Variants in EBF4 observed in about 807,000 individuals in gnomAD.
The protein encoded by EBF4 is transcription factor COE4.
A neutral mutation model predicts 67.1 loss-of-function variants in EBF4; 34 were observed. The ratio of observed to expected loss-of-function variants is 0.51; its 90% CI spans 0.39 to 0.67. The LOEUF (loss-of-function observed/expected upper bound fraction) is 0.67. Ranked by LOEUF, EBF4 falls within the 30% of genes least tolerant of loss-of-function variation. EBF4 has a pLI of 0.00. For synonymous variants in EBF4, 387 were observed against 377.7 expected (o/e 1.02, Z -0.29); for missense variants, 837 against 873.3 (o/e 0.96, Z 0.52).
chr20:2,721,246 C>CTT (rs146844927), intron 6 of EBF4, among the ~76,000 whole-genome samples: 2,533 of 108,010 alleles, frequency 0.023, 72 homozygotes, highest in African/African-American at 0.065. Flanking sequence ...TGATTCTCTT[C>CTT]TTTTTTTTTT....
chr20:2,743,300 C>G (rs2087995245), intron 6 of EBF4, among the ~76,000 whole-genome samples: 1 of 152,190 alleles, frequency 6.6e-6, no homozygotes, highest in African/African-American at 2.4e-5. Context: ...GCAGCGGCAC[C>G]CGGAGGGTCG....
intron 6 of EBF4, among the ~76,000 whole-genome samples, chr20:2,738,710 C>T (rs2087924609): frequency 6.6e-6 from 1 of 152,194 alleles, no homozygotes; most frequent in South Asian, 2.1e-4. Flanking sequence ...TCCTCAGGCC[C>T]CATGCCCAGC....
At chr20:2,735,327 A>C (rs1255132584) in intron 6 of EBF4, among the ~76,000 whole-genome samples, 2 of 152,184 alleles carry the variant, frequency 1.3e-5, no homozygotes, top group African/African-American at 2.4e-5. Context: ...CAACTACAAT[A>C]GTGGTTGCAA....
At chr20:2,758,743 C>T in intron 15 of EBF4, 166 bp from the exon 16 acceptor site, 1 of 650,984 alleles carries the variant, frequency 1.5e-6, no homozygotes, top group South Asian at 1.8e-5. Context: ...TGAGAGGCAC[C>T]CCTCACCCCG....
At position 2,727,911 on chromosome 20, in the gene EBF4, G is replaced by T. The variant is rs183344375; in HGVS notation, c.557+18269G>T. ...CTATTTTTAAATTGGATTATTTGGG[G>T]GTTTTCTGAGTGTTGAGTGTTAGGA... On this transcript the variant is annotated intron_variant, in intron 6 of 16. Transcript: ENST00000609451. Among the ~76,000 whole-genome samples the T allele has an allele frequency of 2.2e-3, 336 of 152,172 alleles. 3 individuals are homozygous for T. Among genetic ancestry groups the T allele is most frequent in the Middle Eastern group, 3.4e-3 (1 of 294 alleles).
At chr20:2,708,509 GC>G (rs746813374) in intron 5 of EBF4, among the ~76,000 whole-genome samples, 18 of 152,180 alleles carry the variant, frequency 1.2e-4, no homozygotes, top group Non-Finnish European at 2.4e-4. Context: ...CCCAAGAGAT[GC>G]CAGTCGTACA....
intron 6 of EBF4, among the ~76,000 whole-genome samples, chr20:2,744,612 C>T (rs2088022897): frequency 6.6e-6 from 1 of 151,190 alleles, no homozygotes; most frequent in African/African-American, 2.4e-5. Context: ...GTGCCTCAGC[C>T]ACCTGAGTAG....
intron 6 of EBF4, among the ~76,000 whole-genome samples, chr20:2,712,131 G>A (rs1202980615): frequency 1.3e-5 from 2 of 152,196 alleles, no homozygotes; most frequent in African/African-American, 4.8e-5. Flanking sequence ...ACACTTGTGG[G>A]TCATTGTAAG....
At position 2,755,491 on chromosome 20, in the gene EBF4, G is replaced by A. The variant is rs531921683; in HGVS notation, c.1541-136G>A. On this transcript the variant is annotated intron_variant, in intron 14 of 16. Coordinates refer to ENST00000609451, the Ensembl canonical transcript of EBF4. This position sits in a 1 kb window ranked among gnomAD's most constrained non-coding sequence, Gnocchi z 4.7. ...TGGCCCAGGACCCTCACAGCTCCCA[G>A]TGAGATCTGAGCCTGGTACCTGTGT... 4 of 627,888 alleles carry A rather than the reference G, an allele frequency of 6.4e-6. No homozygotes were observed. In the African/African-American group the frequency reaches 7.2e-5, roughly 11 times the overall value. 38.9% of individuals were successfully genotyped at this position (627,888 alleles called of 1,614,324 possible).
chr20:2,710,474 A>G (rs1047526486), intron 6 of EBF4, among the ~76,000 whole-genome samples: 2 of 152,120 alleles, frequency 1.3e-5, no homozygotes, highest in Admixed American at 6.5e-5. Flanking sequence ...GAGGAAATGC[A>G]TAAATAAGGT....
At position 2,707,502 on chromosome 20, in the gene EBF4, C is replaced by A. The variant is rs1291732427; in HGVS notation, c.415-445C>A. ...CAGCCCTCGGAGCTGACTGGGCTGGCAGGGATAGCTGAGAAGGACAACACT... is the reference window on the plus strand; with the variant it reads ...CAGCCCTCGGAGCTGACTGGGCTGGAAGGGATAGCTGAGAAGGACAACACT... On this transcript the variant is annotated intron_variant, in intron 4 of 16. Coordinates refer to ENST00000609451, the Ensembl canonical transcript of EBF4. This position sits in a 1 kb window ranked among gnomAD's most constrained non-coding sequence, Gnocchi z 4.6. Among the ~76,000 whole-genome samples, 1 of 151,618 alleles carries A rather than the reference C, an allele frequency of 6.6e-6. No homozygotes were observed. The highest frequency in any genetic ancestry group is 1.9e-4 in the East Asian group (1 of 5,132).
At chr20:2,723,686 T>A (rs961555685) in intron 6 of EBF4, among the ~76,000 whole-genome samples, 14 of 152,346 alleles carry the variant, frequency 9.2e-5, no homozygotes, top group African/African-American at 2.2e-4. Flanking sequence ...CTGGATTTTT[T>A]AAATCTAGTC....
At chr20:2,748,748 C>G (rs1366096315) in intron 7 of EBF4, 118 bp downstream of exon 7, 2 of 1,179,236 alleles carry the variant, frequency 1.7e-6, no homozygotes, top group African/African-American at 3.1e-5. Context: ...AGGCAGATCT[C>G]TGCCCAGCCC....
Position 2,751,181 on chromosome 20 carries a change from C to T in EBF4, c.1019-519C>T, listed in dbSNP as rs570510612. 6.0e-4 allele frequency among the ~76,000 whole-genome samples: 92 copies of T among 152,296 alleles called. No homozygotes were observed. Among genetic ancestry groups the T allele is most frequent in the African/African-American group, 2.2e-3 (91 of 41,558 alleles). ...CTGGCCGGATCTTCTCTACTTCCATCCTCCCGCCCCAGCCCAAGCCACCCA... is the reference window on the plus strand; with the variant it reads ...CTGGCCGGATCTTCTCTACTTCCATTCTCCCGCCCCAGCCCAAGCCACCCA... On this transcript the variant is annotated intron_variant, in intron 10 of 16. Coordinates refer to ENST00000609451, the Ensembl canonical transcript of EBF4. This position sits in a 1 kb window ranked among gnomAD's most constrained non-coding sequence, Gnocchi z 5.2.
At chr20:2,748,444 A>C (rs908720866) in intron 6 of EBF4, 105 bp from the exon 7 acceptor site, 6 of 1,076,140 alleles carry the variant, frequency 5.6e-6, no homozygotes, top group Non-Finnish European at 8.2e-6. Context: ...GGGAGCAGGC[A>C]GAGGGGACTC....
At chr20:2,703,943 C>T (rs1219957999) in intron 1 of EBF4, among the ~76,000 whole-genome samples, 1 of 152,066 alleles carries the variant, frequency 6.6e-6, no homozygotes, top group African/African-American at 2.4e-5. Flanking sequence ...CAAGTCAGGG[C>T]TGGCTATCGG....
At chr20:2,736,976 G>A (rs559825535) in intron 6 of EBF4, among the ~76,000 whole-genome samples, 26 of 152,162 alleles carry the variant, frequency 1.7e-4, no homozygotes, top group South Asian at 2.1e-4. Context: ...AGGACCGGGC[G>A]CGGTGGCTCA....
Position 2,721,185 on chromosome 20 carries a change from GAC to G in EBF4, c.557+11544_557+11545del, listed in dbSNP as rs2087674559. Reference sequence around the variant, plus strand: ...TTTTTTTCTACCCCTCTTCTTTGGGGACTCCAATTACTCACATATTGGAACTT... The same window carrying G: ...TTTTTTTCTACCCCTCTTCTTTGGGGTCCAATTACTCACATATTGGAACTT... On this transcript the variant is annotated intron_variant, in intron 6 of 16. Coordinates refer to ENST00000609451, the Ensembl canonical transcript of EBF4. Among the ~76,000 whole-genome samples the G allele has an allele frequency of 2.7e-5, 4 of 149,062 alleles. No individual in the cohort carries two copies. In the East Asian group the frequency reaches 5.8e-4, roughly 22 times the overall value.
intron 6 of EBF4, among the ~76,000 whole-genome samples, chr20:2,732,007 G>A (rs2087819750): frequency 6.6e-6 from 1 of 152,216 alleles, no homozygotes; most frequent in Admixed American, 6.5e-5. Context: ...ATTCTTGCTA[G>A]TAGGGTATTG....
Sources: gnomAD v4.1 joint callset for allele counts (sites outside exome capture counted in the v4.1 genomes callset) on GRCh38, gnomAD v4.1.1 for gene constraint, Gnocchi (gnomAD v3.1) non-coding constraint, MANE v1.5 for transcripts, NCBI Gene and HGNC (gene_info 2026-07-23, HGNC 2026-07-21) for gene names.